TRMT1L: variants seen among roughly 807,000 people sequenced by gnomAD.
TRMT1L encodes tRNA methyltransferase 1L.
Under a neutral mutation model 81.6 loss-of-function variants are expected in TRMT1L, and 28 were observed. That is an observed-to-expected ratio of 0.34 (90% CI 0.25 to 0.47). TRMT1L has a LOEUF of 0.47. Among genes scored for constraint, TRMT1L ranks in the 20% least tolerant of loss-of-function variants. The probability of loss-of-function intolerance (pLI) is 1.00; values close to 1 mark genes in which losing one functional copy is unlikely to be tolerated. For missense variants in TRMT1L, 739 were observed against 877.1 expected (o/e 0.84, Z 1.99); for synonymous variants, 301 against 303.2 (o/e 0.99, Z 0.07).
rs1394464455 is a variant in TRMT1L at position 185,156,889 on chromosome 1, G to A, written c.-177C>T. ...AACCAGTGACCAAATCCTGTTAGTA[G>A]AAAACAGAAAGCCAGAGGCAGCGAT... On this transcript the variant is annotated 5_prime_UTR_variant, in exon 1 of 15. Transcript: ENST00000367506. The A allele has an allele frequency of 4.6e-6, 4 of 872,232 alleles. No individual in the cohort carries two copies. Among genetic ancestry groups the A allele is most frequent in the East Asian group, 6.2e-5 (2 of 32,194 alleles). The allele number at this position is 872,232 out of a possible 1,614,324, so 54.0% of individuals were successfully genotyped here.
In TRMT1L at chr1:185,143,816, A is replaced by T. The variant is rs147100970; in HGVS notation, c.779+90T>A. The T allele has an allele frequency of 1.4e-5, 16 of 1,160,644 alleles. No homozygotes were observed. The Admixed American group carries it at 2.5e-4, about 18-fold the overall frequency. 71.9% of individuals were successfully genotyped at this position (1,160,644 alleles called of 1,614,324 possible). A position where few individuals can be genotyped will look rare whatever the true frequency, so the allele number is the denominator to read the frequency against. ...GATTTTTATTCTGCACCTAGTTCTA[A>T]ATTTTAATATATTAGAACATAAAGG... On this transcript the variant is annotated intron_variant, in intron 6 of 14. Coordinates refer to ENST00000367506, the MANE Select transcript of TRMT1L (RefSeq NM_030934.5).
chr1:185,119,242 T>A lies in TRMT1L; in HGVS notation c.*777A>T, dbSNP rs936049367. On this transcript the variant is annotated 3_prime_UTR_variant, in exon 15 of 15. Transcript: ENST00000367506. ...AGTACAACCAACCAAATGAATACTG[T>A]ACGTGCATTAACTGAGGCACTTAAG... 1 of 152,130 alleles carries A rather than the reference T, an allele frequency of 6.6e-6. No individual in the cohort carries two copies. Among genetic ancestry groups the A allele is most frequent in the East Asian group, 1.9e-4 (1 of 5,196 alleles). The allele number at this position is 152,130 out of a possible 1,614,324, so 9.4% of individuals were successfully genotyped here.
Position 185,137,590 on chromosome 1 carries a change from T to C in TRMT1L, c.1513+16A>G, listed in dbSNP as rs751506001. 7.5e-6 allele frequency: 12 copies of C among 1,607,618 alleles called. No homozygotes were observed. The African/African-American group carries it at 1.5e-4, about 20-fold the overall frequency. On this transcript the variant is annotated intron_variant, in intron 10 of 14. Transcript: ENST00000367506. The stretch of plus-strand genomic sequence containing the variant: ...TGGAGGATTATAGATAAACATAATA[T>C]ATAACTTGAATTTACCTTCTACCAT...
intron 10 of TRMT1L, among the ~76,000 whole-genome samples, chr1:185,130,416 A>G (rs1297144151): frequency 6.6e-6 from 1 of 152,236 alleles, no homozygotes; most frequent in Non-Finnish European, 1.5e-5. Context: ...GAGAGATGCC[A>G]ATAAAATTTC....
rs775844209 is a variant in TRMT1L, at chr1:185,150,424, G to A, written c.415C>T (p.Arg139Cys). ...FRACNSHKLR[R>C]HLQNLHWKVS... is the part of the protein sequence containing the mutation. ...TTCCAGTGTAAATTCTGGAGGTGAC[G>A]ACGAAGCTTATGGCTATTACAAGCT... is the stretch of plus-strand genomic sequence containing the variant. Residue 139 changes from arginine to cysteine, a missense_variant, in exon 3 of 15, where the codon CGT becomes TGT. Physicochemically the swap from Arg to Cys is radical, Grantham distance 180. This residue lies in a region of TRMT1L where 331 missense variants were observed against 462.2 expected (regional missense o/e 0.72). Coordinates refer to ENST00000367506, the MANE Select transcript of TRMT1L (RefSeq NM_030934.5). 1 of 1,613,718 alleles carries A rather than the reference G, an allele frequency of 6.2e-7. No homozygotes were observed. Among genetic ancestry groups the A allele is most frequent in the Non-Finnish European group, 8.5e-7 (1 of 1,179,824 alleles).
At chr1:185,141,498 G>T (rs535544643) in intron 7 of TRMT1L, among the ~76,000 whole-genome samples, 2 of 152,296 alleles carry the variant, frequency 1.3e-5, no homozygotes, top group Non-Finnish European at 2.9e-5. Flanking sequence ...GAGGTCAGGA[G>T]TTCGAGACCA....
rs373720682 is a variant in TRMT1L at position 185,156,527 on chromosome 1, A to C, written c.186T>G (p.Ala62=). ...AGGCTAGGGACGGGGACAGGGCCGG[A>C]GCCTGGGCCAGGGCAGGGGCTGGGG... is the stretch of plus-strand genomic sequence containing the variant. ...APAPAPALAQ[A]PALSPSLASA... is the part of the protein sequence containing the mutation. The change falls in exon 1 of 15, where the codon GCT becomes GCG. Residue 62 remains alanine (A), a synonymous_variant. Coordinates refer to ENST00000367506, the MANE Select transcript of TRMT1L (RefSeq NM_030934.5). 1 of 1,612,826 alleles carries C rather than the reference A, an allele frequency of 6.2e-7. No homozygotes were observed. The highest frequency in any genetic ancestry group is 8.5e-7 in the Non-Finnish European group (1 of 1,179,498).
At position 185,137,595 on chromosome 1, in the gene TRMT1L, C is replaced by T; in HGVS notation, c.1513+11G>A. On this transcript the variant is annotated intron_variant, in intron 10 of 14. Transcript: ENST00000367506. ...GATTATAGATAAACATAATATATAA[C>T]TTGAATTTACCTTCTACCATATTAC... is the stretch of plus-strand genomic sequence containing the variant. The T allele has an allele frequency of 6.2e-7, 1 of 1,610,668 alleles. No homozygotes were observed.
chr1:185,134,122 G>A (rs1652839235), intron 10 of TRMT1L, among the ~76,000 whole-genome samples: 1 of 152,110 alleles, frequency 6.6e-6, no homozygotes, highest in African/African-American at 2.4e-5. Flanking sequence ...CATTTTAACT[G>A]TTTAGGGAGT....
Position 185,140,071 on chromosome 1 carries a change from A to T in TRMT1L, c.1011T>A (p.Ser337Arg), listed in dbSNP as rs1288653831. ...VVVDSKEKEK[S>R]DDILEEGEKN... ...TCTCTCCTTCTTCAAGAATATCATC[A>T]CTCTTTTCCTTTTCCTTACTGTCCA... is the stretch of plus-strand genomic sequence containing the variant. The change falls in exon 8 of 15, where the codon AGT becomes AGA. Residue 337 changes from serine to arginine, a missense_variant. Physicochemically the swap from Ser to Arg is moderately radical, Grantham distance 110 (BLOSUM62 -1). Coordinates refer to ENST00000367506, the MANE Select transcript of TRMT1L (RefSeq NM_030934.5). 5 of 1,613,484 alleles carry T rather than the reference A, an allele frequency of 3.1e-6. No homozygotes were observed. Among genetic ancestry groups the T allele is most frequent in the Non-Finnish European group, 4.2e-6 (5 of 1,179,846 alleles).
chr1:185,145,653 C>G (rs1653169120), intron 4 of TRMT1L, 85 bp from the exon 5 acceptor site: 4 of 1,356,772 alleles, frequency 2.9e-6, no homozygotes, highest in Non-Finnish European at 4.1e-6. Context: ...ACATTAGTGT[C>G]TTGGATTTAA....
chr1:185,145,274 T>A (rs1175209130), intron 5 of TRMT1L, among the ~76,000 whole-genome samples, 165 bp downstream of exon 5: 1 of 151,902 alleles, frequency 6.6e-6, no homozygotes, highest in African/African-American at 2.4e-5. Context: ...TTAAAATGTT[T>A]TTGGAGACCT....
chr1:185,144,049 A>T lies in TRMT1L; in HGVS notation c.656-20T>A. 6.4e-7 allele frequency: 1 copy of T among 1,561,076 alleles called. No individual in the cohort carries two copies. Among genetic ancestry groups the T allele is most frequent in the Non-Finnish European group, 8.6e-7 (1 of 1,157,624 alleles). ...TGGAAGCTAAGATGGAAAAAAGAAAAGATTTCCAGGGAAACACAAAATAAT... is the reference window on the plus strand; with the variant it reads ...TGGAAGCTAAGATGGAAAAAAGAAATGATTTCCAGGGAAACACAAAATAAT... On this transcript the variant is annotated intron_variant, in intron 5 of 14. Coordinates refer to ENST00000367506, the MANE Select transcript of TRMT1L (RefSeq NM_030934.5).
intron 3 of TRMT1L, 66 bp downstream of exon 3, chr1:185,150,313 G>A: frequency 1.7e-6 from 2 of 1,144,340 alleles, no homozygotes; most frequent in African/African-American, 1.6e-5. Context: ...TGATAAAAAT[G>A]CCAAAACTGG....
At chr1:185,153,740 A>C (rs1018825166) in intron 1 of TRMT1L, among the ~76,000 whole-genome samples, 1 of 152,150 alleles carries the variant, frequency 6.6e-6, no homozygotes, top group African/African-American at 2.4e-5. Flanking sequence ...TGGGGACTGA[A>C]TATATATTAA....
intron 1 of TRMT1L, among the ~76,000 whole-genome samples, chr1:185,155,174 T>C (rs1466217477): frequency 6.6e-6 from 1 of 152,248 alleles, no homozygotes; most frequent in African/African-American, 2.4e-5. Context: ...TTGGAATATA[T>C]AGATAAGTCT....
Position 185,147,008 on chromosome 1 carries a change from AT to A in TRMT1L, c.525+173del, listed in dbSNP as rs372233801. Among the ~76,000 whole-genome samples the A allele has an allele frequency of 2.2e-4, 33 of 149,242 alleles. No homozygotes were observed. The South Asian group carries it at 3.8e-3, about 17-fold the overall frequency. ...AAATGAGAACTTCAATATAACAATT[AT>A]TTTTTTTCATACATTTCATAGTTTT... On this transcript the variant is annotated intron_variant, in intron 4 of 14. Coordinates refer to ENST00000367506, the MANE Select transcript of TRMT1L (RefSeq NM_030934.5).
intron 3 of TRMT1L, among the ~76,000 whole-genome samples, chr1:185,149,167 CATA>C (rs1362638026): frequency 2.0e-5 from 3 of 152,108 alleles, no homozygotes; most frequent in Non-Finnish European, 2.9e-5. Context: ...TCAATGGCTA[CATA>C]ATAATATTTC....
At chr1:185,130,528 A>T (rs1652743799) in intron 10 of TRMT1L, among the ~76,000 whole-genome samples, 1 of 152,220 alleles carries the variant, frequency 6.6e-6, no homozygotes, top group East Asian at 1.9e-4. Context: ...CAAAACAGAA[A>T]GTTCATTAGT....
Sources: allele counts gnomAD v4.1 joint callset (sites outside exome capture counted in the v4.1 genomes callset), GRCh38; gene constraint gnomAD v4.1.1; regional missense constraint gnomAD v4.1.1; transcripts MANE v1.5; gene names NCBI Gene and HGNC (gene_info 2026-07-23, HGNC 2026-07-21).